Variants in CACNB4 observed in about 807,000 individuals in gnomAD.
The protein encoded by CACNB4 is calcium voltage-gated channel auxiliary subunit beta 4.
Under a neutral mutation model 71.2 loss-of-function variants are expected in CACNB4, and 32 were observed. The ratio of observed to expected loss-of-function variants is 0.45; its 90% CI spans 0.34 to 0.60. The LOEUF (loss-of-function observed/expected upper bound fraction) is 0.60, where lower values mean the gene tolerates loss of function less well. CACNB4 is among the 20% of genes least tolerant of loss of function. The pLI is 0.01. For missense variants in CACNB4, 464 were observed against 647.9 expected, an observed-to-expected ratio of 0.72 and a Z score of 3.08; for synonymous variants, 231 against 236.9, an observed-to-expected ratio of 0.97 and a Z score of 0.23.
chr2:151,888,694 C>T (rs116601807), intron 2 of CACNB4, among the ~76,000 whole-genome samples: 1,615 of 152,298 alleles, frequency 0.011, 24 homozygotes, highest in African/African-American at 0.036. Flanking sequence ...ATTCACAGAA[C>T]GCTGAGCATC....
At chr2:152,059,562 A>G (rs1685899420) in intron 2 of CACNB4, among the ~76,000 whole-genome samples, 1 of 152,234 alleles carries the variant, frequency 6.6e-6, no homozygotes, top group African/African-American at 2.4e-5. Flanking sequence ...GGCAACATTT[A>G]TCCAACGCCT....
rs978522345 is a variant in CACNB4, at chr2:151,836,459, AT to A, written c.*2659del. 2.6e-5 allele frequency: 4 copies of A among 151,898 alleles called. No homozygotes were observed. The highest frequency in any genetic ancestry group is 9.7e-5 in the African/African-American group (4 of 41,438). The allele number at this position is 151,898 out of a possible 1,614,324, so 9.4% of individuals were successfully genotyped here. A position where few individuals can be genotyped will look rare whatever the true frequency, so the allele number is the denominator to read the frequency against. ...ATAAACTCTTAAGTCTTTAAAAAAA[AT>A]AAGATGTATATCCCCTTATTTGAGG... On this transcript the variant is annotated 3_prime_UTR_variant, in exon 14 of 14. Coordinates refer to ENST00000539935, the MANE Select transcript of CACNB4 (RefSeq NM_000726.5).
In CACNB4 at chr2:151,856,404, A is replaced by G. The variant is rs977392010; in HGVS notation, c.869-1029T>C. ...CTGTAACCTCTACCTCCCGGGTTCA[A>G]GTGATTCTTGTACCTCAGCCTCCCA... On this transcript the variant is annotated intron_variant, in intron 10 of 13. Transcript: ENST00000539935. 2.0e-5 allele frequency among the ~76,000 whole-genome samples: 3 copies of G among 152,004 alleles called. No individual in the cohort carries two copies. In the East Asian group the frequency reaches 5.8e-4, roughly 29 times the overall value.
chr2:152,059,449 G>A (rs1330996464), intron 2 of CACNB4, among the ~76,000 whole-genome samples: 2 of 152,234 alleles, frequency 1.3e-5, no homozygotes, highest in Non-Finnish European at 2.9e-5. Context: ...TGAAGTCAAA[G>A]GAGATCATTT....
At chr2:152,097,918 A>C (rs1432661677) in intron 2 of CACNB4, among the ~76,000 whole-genome samples, 1 of 152,208 alleles carries the variant, frequency 6.6e-6, no homozygotes, top group Non-Finnish European at 1.5e-5. Context: ...AAAACAGAAG[A>C]AACCACTAAA....
intron 6 of CACNB4, 61 bp from the exon 7 acceptor site, chr2:151,870,922 A>G: frequency 8.0e-7 from 1 of 1,243,080 alleles, no homozygotes; most frequent in Non-Finnish European, 1.2e-6. Flanking sequence ...ACAGTACATG[A>G]GTTTAAAAGA....
intron 2 of CACNB4, among the ~76,000 whole-genome samples, chr2:151,965,476 T>C (rs961915861): frequency 5.3e-5 from 8 of 152,192 alleles, no homozygotes; most frequent in African/African-American, 1.9e-4. Flanking sequence ...GAATTATTGG[T>C]TTTAGGACAT....
Position 152,038,506 on chromosome 2 carries a change from G to A in CACNB4, c.147+59824C>T, listed in dbSNP as rs555286193. ...GGACACAGGCTTCTACCTCAGCACCGAGTCTGGCTGGGAGATGGAAGAGGA... is the reference window on the plus strand; with the variant it reads ...GGACACAGGCTTCTACCTCAGCACCAAGTCTGGCTGGGAGATGGAAGAGGA... On this transcript the variant is annotated intron_variant, in intron 2 of 13. Coordinates refer to ENST00000539935, the MANE Select transcript of CACNB4 (RefSeq NM_000726.5). Among the ~76,000 whole-genome samples, 5 of 152,308 alleles carry A rather than the reference G, an allele frequency of 3.3e-5. No individual in the cohort carries two copies. In the East Asian group the frequency reaches 5.8e-4, roughly 18 times the overall value.
At chr2:151,897,794 G>C (rs1294274647) in intron 2 of CACNB4, among the ~76,000 whole-genome samples, 3 of 152,192 alleles carry the variant, frequency 2.0e-5, no homozygotes, top group Admixed American at 6.5e-5. Context: ...CTTTCTGAAA[G>C]TGAGTATAAT....
intron 2 of CACNB4, among the ~76,000 whole-genome samples, chr2:151,905,453 G>A (rs77238461): frequency 0.016 from 2,435 of 152,228 alleles, 52 homozygotes; most frequent in African/African-American, 0.056. Flanking sequence ...ACTTAAGAAC[G>A]AGATAATTTG....
intron 2 of CACNB4, among the ~76,000 whole-genome samples, chr2:152,031,951 G>A (rs939950167): frequency 6.6e-6 from 1 of 152,198 alleles, no homozygotes. Context: ...CTCACAGCCC[G>A]TGGCTTGCTT....
At chr2:151,892,775 AAAG>A (rs1301680384) in intron 2 of CACNB4, among the ~76,000 whole-genome samples, 1 of 152,224 alleles carries the variant, frequency 6.6e-6, no homozygotes, top group African/African-American at 2.4e-5. Context: ...TTGCTGAATG[AAAG>A]AATCAATGAG....
rs148061367 is a variant in CACNB4, at chr2:151,952,078, A to G, written c.148-68708T>C. Among the ~76,000 whole-genome samples, 524 of 152,300 alleles carry G rather than the reference A, an allele frequency of 3.4e-3. 5 individuals are homozygous for G. The highest frequency in any genetic ancestry group is 0.012 in the African/African-American group (501 of 41,556). ...CCTCAACTACTCTTTTGAGAATTAA[A>G]TGATATATGTATATACACCATCTAG... On this transcript the variant is annotated intron_variant, in intron 2 of 13. Coordinates refer to ENST00000539935, the MANE Select transcript of CACNB4 (RefSeq NM_000726.5).
At chr2:151,931,089 C>T (rs1165754970) in intron 2 of CACNB4, among the ~76,000 whole-genome samples, 1 of 152,188 alleles carries the variant, frequency 6.6e-6, no homozygotes, top group Admixed American at 6.5e-5. Flanking sequence ...ACTCCCTCTT[C>T]CCCCATTTTC....
At chr2:151,857,705 G>A (rs2151367799) in intron 10 of CACNB4, 1 of 152,330 alleles carries the variant, frequency 6.6e-6, no homozygotes, top group Non-Finnish European at 1.5e-5. Flanking sequence ...AATATTTTCA[G>A]AAGCAGCAGA....
intron 12 of CACNB4, among the ~76,000 whole-genome samples, chr2:151,845,967 G>T (rs1274614758): frequency 6.6e-6 from 1 of 152,202 alleles, no homozygotes; most frequent in East Asian, 1.9e-4. Flanking sequence ...CATGCCTCTA[G>T]CTCATTTAGT....
chr2:152,020,554 G>A (rs12693210), intron 2 of CACNB4, among the ~76,000 whole-genome samples: 33,113 of 152,176 alleles, frequency 0.22, 3,788 homozygotes, highest in Middle Eastern at 0.4. Flanking sequence ...TCCAGCAGTA[G>A]TTTGAGAAGG....
intron 2 of CACNB4, among the ~76,000 whole-genome samples, chr2:152,022,053 A>C (rs1006431073): frequency 1.4e-4 from 22 of 152,218 alleles, no homozygotes; most frequent in African/African-American, 5.3e-4. Context: ...GTTCCTTCAC[A>C]GTTGTAGTGA....
chr2:151,940,346 G>GA (rs1244384787), intron 2 of CACNB4, among the ~76,000 whole-genome samples: 1 of 152,218 alleles, frequency 6.6e-6, no homozygotes, highest in African/African-American at 2.4e-5. Flanking sequence ...GATTTATACA[G>GA]AAAATGGGTA....
Sources: gnomAD v4.1 joint callset for allele counts (sites outside exome capture counted in the v4.1 genomes callset) on GRCh38, gnomAD v4.1.1 for gene constraint, MANE v1.5 for transcripts, NCBI Gene and HGNC (gene_info 2026-07-23, HGNC 2026-07-21) for gene names.